RFX2: variants seen among roughly 807,000 people sequenced by gnomAD.
RFX2 encodes the protein regulatory factor X2, also known as DNA-binding protein RFX2.
In RFX2, 20 loss-of-function variants were observed where a neutral mutation model predicts 87.8. The observed-to-expected ratio is 0.23, with a 90% confidence interval of 0.16 to 0.33. The LOEUF is 0.33. RFX2 is among the 10% of genes least tolerant of loss of function. The pLI is 1.00. For missense variants in RFX2, 767 were observed against 1,012.3 expected (o/e 0.76, Z 3.29); for synonymous variants, 397 against 431.3 (o/e 0.92, Z 0.98).
At position 6,010,618 on chromosome 19, in the gene RFX2, G is replaced by A. The variant is rs1027483059; in HGVS notation, c.900-367C>T. Among the ~76,000 whole-genome samples the A allele has an allele frequency of 1.3e-5, 2 of 152,080 alleles. No homozygotes were observed. The highest frequency in any genetic ancestry group is 2.1e-4 in the South Asian group (1 of 4,824). ...ACTCTAGGGACCTCCTAGGAGTGGG[G>A]TCACACAGGATTTGTCCTTTTGCAA... On this transcript the variant is annotated intron_variant, in intron 8 of 17. Coordinates refer to ENST00000303657, the MANE Select transcript of RFX2 (RefSeq NM_000635.4). This position sits in a 1 kb window ranked among gnomAD's most constrained non-coding sequence, Gnocchi z 5.0.
rs2086379959 is a variant in RFX2, at chr19:5,994,757, T to G, written c.*78A>C. 2 of 923,514 alleles carry G rather than the reference T, an allele frequency of 2.2e-6. No individual in the cohort carries two copies. Among genetic ancestry groups the G allele is most frequent in the Non-Finnish European group, 3.4e-6 (2 of 587,138 alleles). 57.2% of individuals were successfully genotyped at this position (923,514 alleles called of 1,614,324 possible). On this transcript the variant is annotated 3_prime_UTR_variant, in exon 18 of 18. Coordinates refer to ENST00000303657, the MANE Select transcript of RFX2 (RefSeq NM_000635.4). The stretch of plus-strand genomic sequence containing the variant: ...CATCATCTAAGAGGCACTAATTTGG[T>G]GGAGCCGGTGAAATCCAGGTTCCCA...
At position 6,012,840 on chromosome 19, in the gene RFX2, T is replaced by A; in HGVS notation, c.899+146A>T. The A allele has an allele frequency of 8.1e-6, 6 of 740,126 alleles. No homozygotes were observed. The South Asian group carries it at 2.2e-4, about 27-fold the overall frequency. The allele number at this position is 740,126 out of a possible 1,614,324, so 45.8% of individuals were successfully genotyped here. A position where few individuals can be genotyped will look rare whatever the true frequency, so the allele number is the denominator to read the frequency against. On this transcript the variant is annotated intron_variant, in intron 8 of 17. Transcript: ENST00000303657. The surrounding 1 kb of genome is among the most constrained non-coding windows in gnomAD (Gnocchi z 4.6). ...TCCTGTGTCTCCTGCTAGACTCACC[T>A]CAGTCTCAGCAGAGGGGGATACCTT... is the stretch of plus-strand genomic sequence containing the variant.
chr19:6,085,714 T>C (rs1568190998), intron 1 of RFX2, among the ~76,000 whole-genome samples: 1 of 152,212 alleles, frequency 6.6e-6, no homozygotes, highest in Non-Finnish European at 1.5e-5. Flanking sequence ...TGTCTCCCTA[T>C]GTTTTCTGCT....
chr19:6,019,585 G>GAT (rs141504032), intron 6 of RFX2, among the ~76,000 whole-genome samples: 30,075 of 129,110 alleles, frequency 0.23, 3,773 homozygotes, highest in Middle Eastern at 0.36. Flanking sequence ...TAGAGACAGG[G>GAT]ATATATATAT....
Position 6,002,020 on chromosome 19 carries a change from G to C in RFX2, c.1654C>G (p.Gln552Glu). 1 of 1,604,132 alleles carries C rather than the reference G, an allele frequency of 6.2e-7. No homozygotes were observed. The highest frequency in any genetic ancestry group is 1.1e-5 in the South Asian group (1 of 90,652). ...TCGCACTGGCACACCCACGAGGCCT[G>C]CTCCTGTGGGCAGGGCAGAGGCCAG... ...NRVDFANVQE[Q>E]ASWVCQCEES... The change falls in exon 15 of 18, where the codon CAG (glutamine) becomes GAG (glutamate). Residue 552 changes from glutamine to glutamate, a missense_variant. Around this residue, in one of 2 missense-constraint regions of RFX2, gnomAD observed 621 missense variants for 873.0 expected, o/e 0.71. Transcript: ENST00000303657. The surrounding 1 kb of genome is among the most constrained non-coding windows in gnomAD (Gnocchi z 6.7).
intron 1 of RFX2, among the ~76,000 whole-genome samples, chr19:6,055,960 A>G (rs76490307): frequency 0.023 from 3,467 of 152,222 alleles, 140 homozygotes; most frequent in African/African-American, 0.08. Context: ...TTGAGTCCAA[A>G]AGAGTAGATG....
chr19:6,081,095 G>A (rs1179147411), intron 1 of RFX2, among the ~76,000 whole-genome samples: 2 of 150,498 alleles, frequency 1.3e-5, no homozygotes, highest in African/African-American at 2.4e-5. Context: ...TCAACCCACA[G>A]GCACAATATA....
chr19:6,092,070 A>T (rs1045666851), intron 1 of RFX2, among the ~76,000 whole-genome samples: 6 of 152,264 alleles, frequency 3.9e-5, no homozygotes, highest in Non-Finnish European at 8.8e-5. Flanking sequence ...AAAGGATGTT[A>T]AAAAAGAAAA....
rs748636861 is a variant in RFX2 at position 5,999,727 on chromosome 19, G to A, written c.1859+2088C>T. On this transcript the variant is annotated intron_variant, in intron 15 of 17. Transcript: ENST00000303657. The surrounding 1 kb of genome is among the most constrained non-coding windows in gnomAD (Gnocchi z 4.1). ...GACAAGTGAACAGATGACAGGTGAC[G>A]GTCAATGCCAGGAGAAAGGCAGGGC... Among the ~76,000 whole-genome samples the A allele has an allele frequency of 3.3e-5, 5 of 152,106 alleles. No individual in the cohort carries two copies. The highest frequency in any genetic ancestry group is 1.3e-4 in the Admixed American group (2 of 15,260).
At chr19:5,995,576 G>A (rs373952212) in intron 17 of RFX2, 25 bp downstream of exon 17, 2 of 1,551,118 alleles carry the variant, frequency 1.3e-6, no homozygotes, top group Non-Finnish European at 1.7e-6. Context: ...GAGGGTCGTG[G>A]TGGGAAAGCC....
rs1279566870 is a variant in RFX2, at chr19:6,063,578, G to A, written c.-8-16074C>T. Among the ~76,000 whole-genome samples, 2 of 152,184 alleles carry A rather than the reference G, an allele frequency of 1.3e-5. No homozygotes were observed. Among genetic ancestry groups the A allele is most frequent in the Non-Finnish European group, 2.9e-5 (2 of 68,022 alleles). On this transcript the variant is annotated intron_variant, in intron 1 of 17. Transcript: ENST00000303657. This position sits in a 1 kb window ranked among gnomAD's most constrained non-coding sequence, Gnocchi z 4.0. ...CGCCCATGACAGCTAAGATTAAAGTGACTGCTGCGTTGAAGAAGGAGGGAG... is the reference window on the plus strand; with the variant it reads ...CGCCCATGACAGCTAAGATTAAAGTAACTGCTGCGTTGAAGAAGGAGGGAG...
chr19:6,028,782 A>C (rs1482906129), intron 5 of RFX2, among the ~76,000 whole-genome samples: 1 of 152,160 alleles, frequency 6.6e-6, no homozygotes, highest in Non-Finnish European at 1.5e-5. Context: ...AGGTAACTGA[A>C]TAGAGATTTT....
Position 6,083,621 on chromosome 19 carries a change from G to A in RFX2, c.-9+26772C>T, listed in dbSNP as rs1599919323. On this transcript the variant is annotated intron_variant, in intron 1 of 17. Coordinates refer to ENST00000303657, the MANE Select transcript of RFX2 (RefSeq NM_000635.4). The surrounding 1 kb of genome is among the most constrained non-coding windows in gnomAD (Gnocchi z 4.6). ...CGGGTCTTGCTCTGTCATCCAGGCT[G>A]GAGTGCAGTGGTGCAAACATGGCTC... Among the ~76,000 whole-genome samples, 1 of 150,804 alleles carries A rather than the reference G, an allele frequency of 6.6e-6. No homozygotes were observed. The highest frequency in any genetic ancestry group is 2.4e-5 in the African/African-American group (1 of 40,934).
At chr19:6,006,254 G>C (rs1196381893) in intron 12 of RFX2, among the ~76,000 whole-genome samples, 1 of 152,012 alleles carries the variant, frequency 6.6e-6, no homozygotes, top group Admixed American at 6.6e-5. Context: ...TCGACCTCTT[G>C]GGCTCAGGTG....
chr19:6,015,125 G>GTACA (rs556814144), intron 7 of RFX2, among the ~76,000 whole-genome samples: 78 of 152,200 alleles, frequency 5.1e-4, no homozygotes, highest in Admixed American at 2.4e-3. Context: ...ATTGGTCCAG[G>GTACA]TACAGCAAAA....
chr19:6,043,881 C>T (rs73541925), intron 3 of RFX2, among the ~76,000 whole-genome samples: 5,266 of 152,274 alleles, frequency 0.035, 329 homozygotes, highest in African/African-American at 0.12. Context: ...CAGTCCAGAG[C>T]CCTTTGTTTC....
At position 6,074,652 on chromosome 19, in the gene RFX2, A is replaced by C. The variant is rs572091281; in HGVS notation, c.-8-27148T>G. ...CATGGACACAGAACAGCAGGAGGTGACAAATGCTCTGAAGAAAAATACACT... is the reference window on the plus strand; with the variant it reads ...CATGGACACAGAACAGCAGGAGGTGCCAAATGCTCTGAAGAAAAATACACT... On this transcript the variant is annotated intron_variant, in intron 1 of 17. Coordinates refer to ENST00000303657, the MANE Select transcript of RFX2 (RefSeq NM_000635.4). The surrounding 1 kb of genome is among the most constrained non-coding windows in gnomAD (Gnocchi z 5.2). Among the ~76,000 whole-genome samples, 2 of 152,356 alleles carry C rather than the reference A, an allele frequency of 1.3e-5. No individual in the cohort carries two copies. The highest frequency in any genetic ancestry group is 6.5e-5 in the Admixed American group (1 of 15,306).
rs914677437 is a variant in RFX2, at chr19:6,044,082, T to C, written c.180+111A>G. 4.1e-5 allele frequency: 23 copies of C among 554,394 alleles called. No homozygotes were observed. Among genetic ancestry groups the C allele is most frequent in the African/African-American group, 4.1e-4 (21 of 51,138 alleles). 34.3% of individuals were successfully genotyped at this position (554,394 alleles called of 1,614,324 possible). ...GTCTTTTGGCTAAGAAACTGAAGCTTACAACAAGGAACAGCAGCCACAGAA... is the reference window on the plus strand; with the variant it reads ...GTCTTTTGGCTAAGAAACTGAAGCTCACAACAAGGAACAGCAGCCACAGAA... On this transcript the variant is annotated intron_variant, in intron 3 of 17. Transcript: ENST00000303657. The surrounding 1 kb of genome is among the most constrained non-coding windows in gnomAD (Gnocchi z 5.3).
rs1035703235 is a variant in RFX2, at chr19:6,001,218, T to G, written c.1859+597A>C. On this transcript the variant is annotated intron_variant, in intron 15 of 17. Transcript: ENST00000303657. This position sits in a 1 kb window ranked among gnomAD's most constrained non-coding sequence, Gnocchi z 5.6. ...ATGGTTGTTTCTCAAACTTGGTGTTTCGATATTTCACCAGGAGCCTCCTTG... is the reference window on the plus strand; with the variant it reads ...ATGGTTGTTTCTCAAACTTGGTGTTGCGATATTTCACCAGGAGCCTCCTTG... 5.3e-5 allele frequency among the ~76,000 whole-genome samples: 8 copies of G among 152,246 alleles called. No individual in the cohort carries two copies. The highest frequency in any genetic ancestry group is 1.9e-4 in the African/African-American group (8 of 41,458).
Sources: gnomAD v4.1 joint callset for allele counts (sites outside exome capture counted in the v4.1 genomes callset) on GRCh38, gnomAD v4.1.1 for gene constraint, gnomAD v4.1.1 regional missense constraint, Gnocchi (gnomAD v3.1) non-coding constraint, MANE v1.5 for transcripts, NCBI Gene and HGNC (gene_info 2026-07-23, HGNC 2026-07-21) for gene names.